The following SCMH1 variants were observed in gnomAD, a reference collection of about 807,000 sequenced individuals.
SCMH1 encodes Scm polycomb group protein homolog 1, also known as polycomb protein SCMH1.
Under a neutral mutation model 70.8 loss-of-function variants are expected in SCMH1, and 37 were observed. The ratio of observed to expected loss-of-function variants is 0.52; its 90% confidence interval spans 0.40 to 0.69. The LOEUF (loss-of-function observed/expected upper bound fraction) is 0.69. SCMH1 is among the 30% of genes least tolerant of loss of function. The probability of loss-of-function intolerance (pLI) is 0.00; values close to 1 mark genes in which losing one functional copy is unlikely to be tolerated. For synonymous variants in SCMH1, 292 were observed against 307.4 expected (o/e 0.95, Z 0.52); for missense variants, 607 against 827.3 (o/e 0.73, Z 3.27).
chr1:41,157,428 A>T (rs1645645227), intron 4 of SCMH1, among the ~76,000 whole-genome samples: 1 of 152,176 alleles, frequency 6.6e-6, no homozygotes, highest in Non-Finnish European at 1.5e-5. Context: ...TTGTAGATTA[A>T]GGAAAAGTCA....
chr1:41,063,060 T>C (rs1183577192), intron 10 of SCMH1, among the ~76,000 whole-genome samples: 1 of 152,116 alleles, frequency 6.6e-6, no homozygotes, highest in Non-Finnish European at 1.5e-5. Context: ...AAAGCAGCAA[T>C]CTGAGCTTCC....
intron 3 of SCMH1, 116 bp downstream of exon 3, chr1:41,161,248 G>T: frequency 6.8e-7 from 1 of 1,470,438 alleles, no homozygotes. Flanking sequence ...TGCAATATTT[G>T]CTTCTGATAT....
chr1:41,066,772 G>A (rs2144788), intron 10 of SCMH1, among the ~76,000 whole-genome samples: 129,095 of 151,846 alleles, frequency 0.85, 55,378 homozygotes, highest in East Asian at 0.97. Context: ...TATTTTTAGT[G>A]GAGATAGGGG....
rs961321800 is a variant in SCMH1 at position 41,053,847 on chromosome 1, G to GT, written c.1106-4958dup. Reference sequence around the variant, plus strand: ...AGCCTAAAGGTTTTTTTTTTGTTTTGTTTTTTTTTGTTTTTGAGACAGAGT... The same window carrying GT: ...AGCCTAAAGGTTTTTTTTTTGTTTTGTTTTTTTTTTGTTTTTGAGACAGAGT... On this transcript the variant is annotated intron_variant, in intron 10 of 14. Transcript: ENST00000337495. Among the ~76,000 whole-genome samples the GT allele has an allele frequency of 1.1e-3, 165 of 149,384 alleles. 1 individual carries two copies. The highest frequency in any genetic ancestry group is 5.7e-3 in the East Asian group (29 of 5,120).
intron 1 of SCMH1, among the ~76,000 whole-genome samples, chr1:41,195,130 TC>T (rs1323894481): frequency 3.2e-5 from 1 of 31,598 alleles, no homozygotes; most frequent in Non-Finnish European, 5.2e-5. Context: ...AAACTCTCTC[TC>T]AAAAAAAAAA....
chr1:41,088,282 G>A (rs1371888439), intron 8 of SCMH1, among the ~76,000 whole-genome samples: 2 of 152,174 alleles, frequency 1.3e-5, no homozygotes, highest in African/African-American at 4.8e-5. Flanking sequence ...GAGGGTAGTG[G>A]TGGTGGAAGG....
At chr1:41,039,254 A>T (rs1645751771) in intron 12 of SCMH1, among the ~76,000 whole-genome samples, 1 of 151,850 alleles carries the variant, frequency 6.6e-6, no homozygotes, top group Admixed American at 6.6e-5. Flanking sequence ...TGCTGATGCA[A>T]ACCATTGAGT....
Position 41,046,609 on chromosome 1 carries a change from A to C in SCMH1, c.1307-11T>G. On this transcript the variant is annotated splice_polypyrimidine_tract_variant and intron_variant, in intron 11 of 14. Coordinates refer to ENST00000337495, the Ensembl canonical transcript of SCMH1. ...CCCGGTCAAACACGGCTGTGGAGTG[A>C]GTAAACAGGGCCAAGCATGTCAGCC... The C allele has an allele frequency of 6.2e-7, 1 of 1,612,512 alleles. No homozygotes were observed. The highest frequency in any genetic ancestry group is 8.5e-7 in the Non-Finnish European group (1 of 1,178,668).
At chr1:41,048,439 G>A (rs1647105683) in intron 11 of SCMH1, among the ~76,000 whole-genome samples, 1 of 152,158 alleles carries the variant, frequency 6.6e-6, no homozygotes, top group Non-Finnish European at 1.5e-5. Flanking sequence ...GTACGGACAG[G>A]TCAATCAGGT....
chr1:41,031,068 C>T (rs1644452989), intron 13 of SCMH1, among the ~76,000 whole-genome samples: 1 of 152,108 alleles, frequency 6.6e-6, no homozygotes, highest in African/African-American at 2.4e-5. Context: ...AGGAGGATCG[C>T]TTGAGGCCGG....
At chr1:41,030,936 G>A (rs184986093) in intron 13 of SCMH1, among the ~76,000 whole-genome samples, 10 of 152,280 alleles carry the variant, frequency 6.6e-5, no homozygotes, top group Admixed American at 5.9e-4. Flanking sequence ...CCTTGCTCAC[G>A]TCTGTATCTA....
intron 4 of SCMH1, among the ~76,000 whole-genome samples, chr1:41,159,468 C>A (rs1645842724): frequency 6.6e-6 from 1 of 152,154 alleles, no homozygotes; most frequent in African/African-American, 2.4e-5. Flanking sequence ...CGTCCATTAT[C>A]TCCTGTGTTC....
chr1:41,150,740 T>G (rs1157481246), intron 5 of SCMH1, among the ~76,000 whole-genome samples: 3 of 151,310 alleles, frequency 2.0e-5, no homozygotes, highest in Admixed American at 6.6e-5. Context: ...ATCGAGACCA[T>G]CCTGGCTAAC....
intron 8 of SCMH1, among the ~76,000 whole-genome samples, chr1:41,106,443 TGCA>T (rs1236373618): frequency 6.6e-6 from 1 of 151,834 alleles, no homozygotes. Flanking sequence ...AGCCAAGCTA[TGCA>T]GCACCGTGTT....
At chr1:41,101,384 C>T (rs541471475) in intron 8 of SCMH1, among the ~76,000 whole-genome samples, 3 of 152,234 alleles carry the variant, frequency 2.0e-5, no homozygotes, top group African/African-American at 7.2e-5. Flanking sequence ...AGCCCCAGCA[C>T]TCTAAGACTC....
intron 10 of SCMH1, among the ~76,000 whole-genome samples, chr1:41,064,756 AAT>A (rs1491503024): frequency 4.0e-5 from 6 of 150,396 alleles, no homozygotes; most frequent in Admixed American, 1.3e-4. Context: ...CTATAAAAAA[AAT>A]AAAAATAAAA....
chr1:41,156,911 G>A (rs1399243600), intron 4 of SCMH1, among the ~76,000 whole-genome samples: 5 of 150,934 alleles, frequency 3.3e-5, no homozygotes, highest in Non-Finnish European at 2.9e-5. Context: ...TCATCTTCCT[G>A]CCTCGGACTC....
rs545779874 is a variant in SCMH1, at chr1:41,158,388, A to G, written c.106+2487T>C. 3.9e-5 allele frequency among the ~76,000 whole-genome samples: 6 copies of G among 152,336 alleles called. No individual in the cohort carries two copies. The South Asian group carries it at 1.2e-3, about 32-fold the overall frequency. On this transcript the variant is annotated intron_variant, in intron 4 of 14. Coordinates refer to ENST00000337495, the Ensembl canonical transcript of SCMH1. Reference sequence around the variant, plus strand: ...ACACTGGAGAGACAGAGGGTGCTACAGGAGCACCCAGAGTGCTTGTGGAAA... The same window carrying G: ...ACACTGGAGAGACAGAGGGTGCTACGGGAGCACCCAGAGTGCTTGTGGAAA...
At chr1:41,226,487 G>C (rs775041038) in intron 1 of SCMH1, among the ~76,000 whole-genome samples, 1 of 152,084 alleles carries the variant, frequency 6.6e-6, no homozygotes, top group Non-Finnish European at 1.5e-5. Flanking sequence ...AATGAATAAA[G>C]ACTTTTAAGT....
Sources: allele counts gnomAD v4.1 joint callset (sites outside exome capture counted in the v4.1 genomes callset), GRCh38; gene constraint gnomAD v4.1.1; transcripts MANE v1.5; gene names NCBI Gene and HGNC (gene_info 2026-07-23, HGNC 2026-07-21).